Variants in KLRG1 observed in about 807,000 individuals in gnomAD.
KLRG1 encodes killer cell lectin-like receptor subfamily G member 1.
KLRG1 carries 16 observed loss-of-function variants against 21.8 expected under a neutral mutation model. The ratio of observed to expected loss-of-function variants is 0.73; its 90% confidence interval spans 0.50 to 1.11. KLRG1 has a LOEUF of 1.11. KLRG1 is among the 50% of genes most tolerant of loss of function. KLRG1 has a pLI of 0.00. For synonymous variants in KLRG1, 69 were observed against 75.9 expected, an observed-to-expected ratio of 0.91 and a Z score of 0.47; for missense variants, 173 against 218.3, an observed-to-expected ratio of 0.79 and a Z score of 1.31.
At chr12:9,093,145 G>A in the KLRG1 span, among the ~76,000 whole-genome samples, 2 of 152,144 alleles carry the variant, frequency 1.3e-5, no homozygotes, top group Non-Finnish European at 2.9e-5. Context: ...TACGTAGGAT[G>A]AATAAATTTA....
chr12:8,950,584 A>G (rs757889869), intron 1 of KLRG1, among the ~76,000 whole-genome samples: 8 of 152,050 alleles, frequency 5.3e-5, no homozygotes, highest in Non-Finnish European at 1.2e-4. Context: ...GCATGTTTTC[A>G]TTCCGCTTCC....
At position 9,010,048 on chromosome 12, in the gene KLRG1, T is replaced by C. The variant is rs1592285515; in HGVS notation, c.*511T>C. On this transcript the variant is annotated 3_prime_UTR_variant, in exon 5 of 5. Transcript: ENST00000356986. The stretch of plus-strand genomic sequence containing the variant: ...TTCTGAAGAATAAACCTAGCTGGCA[T>C]GCTGGTGTGTACCTGTAGTCCTAGC... The C allele has an allele frequency of 1.2e-5, 19 of 1,527,540 alleles. No homozygotes were observed. In the East Asian group the frequency reaches 2.7e-4, roughly 22 times the overall value. The allele number at this position is 1,527,540 out of a possible 1,614,324, so 94.6% of individuals were successfully genotyped here.
intron 1 of KLRG1, 46 bp from the exon 2 acceptor site, chr12:8,992,160 A>G: frequency 1.5e-5 from 23 of 1,502,720 alleles, no homozygotes; most frequent in Non-Finnish European, 2.1e-5. Flanking sequence ...CTTTTCTTTC[A>G]ACCTGTCATC....
chr12:9,156,762 G>A, the KLRG1 span, among the ~76,000 whole-genome samples: 1 of 152,076 alleles, frequency 6.6e-6, no homozygotes, highest in African/African-American at 2.4e-5. Context: ...ACTTGGCTAA[G>A]GAATTACAGA....
In KLRG1 at chr12:8,995,973, T is replaced by C. The variant is rs575530927; in HGVS notation, c.357+685T>C. 8.8e-4 allele frequency among the ~76,000 whole-genome samples: 134 copies of C among 152,224 alleles called. 2 individuals carry two copies. The highest frequency in any genetic ancestry group is 8.3e-4 in the South Asian group (4 of 4,818). On this transcript the variant is annotated intron_variant, in intron 3 of 4. Transcript: ENST00000356986. Reference sequence around the variant, plus strand: ...CTGGGATTACAGGCATGAGCCACCGTGCCAGTCCTTATATAGTGGAACTTG... The same window carrying C: ...CTGGGATTACAGGCATGAGCCACCGCGCCAGTCCTTATATAGTGGAACTTG...
chr12:9,016,723 C>T, the KLRG1 span, among the ~76,000 whole-genome samples: 4 of 152,262 alleles, frequency 2.6e-5, no homozygotes, highest in East Asian at 1.9e-4. Context: ...AGTGATTCCT[C>T]ATGCCTCAGC....
At chr12:9,208,361 G>T in the KLRG1 span, 1 of 1,599,688 alleles carries the variant, frequency 6.3e-7, no homozygotes, top group Non-Finnish European at 8.6e-7. Context: ...TAAATCTCAG[G>T]GTTGTGTCCA....
Position 8,979,093 on chromosome 12 carries a change from C to T in KLRG1, c.-155-13113C>T, listed in dbSNP as rs868103574. The stretch of plus-strand genomic sequence containing the variant: ...GCAATGGTGCAATGTCAGCTCACTG[C>T]AGCCTGTGCCTCCTGGATTCAAGCA... On this transcript the variant is annotated intron_variant, in intron 1 of 4. Coordinates refer to the KLRG1 transcript ENST00000539240. Among the ~76,000 whole-genome samples the T allele has an allele frequency of 5.1e-4, 76 of 150,164 alleles. 1 individual carries two copies. The highest frequency in any genetic ancestry group is 1.8e-3 in the African/African-American group (73 of 40,692).
At chr12:9,032,713 T>C in the KLRG1 span, among the ~76,000 whole-genome samples, 2 of 152,330 alleles carry the variant, frequency 1.3e-5, no homozygotes, top group Non-Finnish European at 2.9e-5. Context: ...TCAACTGTTA[T>C]AGAACCCAAG....
chr12:9,197,128 T>C, the KLRG1 span: 1 of 1,577,222 alleles, frequency 6.3e-7, no homozygotes, highest in Non-Finnish European at 8.7e-7. Flanking sequence ...GTGTATCTGG[T>C]ACATGAGAAA....
the KLRG1 span, among the ~76,000 whole-genome samples, chr12:9,022,891 G>GT: frequency 6.6e-6 from 1 of 152,210 alleles, no homozygotes; most frequent in African/African-American, 2.4e-5. Context: ...AGCTGAACAG[G>GT]TGGTGGTTTC....
At chr12:9,156,327 T>A in the KLRG1 span, 1 of 208,870 alleles carries the variant, frequency 4.8e-6, no homozygotes. Flanking sequence ...TTTGTCCTAC[T>A]GACCATCTTC....
the KLRG1 span, among the ~76,000 whole-genome samples, chr12:9,027,146 T>G: frequency 3.9e-4 from 59 of 152,296 alleles, no homozygotes; most frequent in African/African-American, 1.4e-3. Flanking sequence ...TTCACATATT[T>G]GTGTGTGTGA....
chr12:9,079,386 G>A, the KLRG1 span: 1 of 1,528,400 alleles, frequency 6.5e-7, no homozygotes, highest in Middle Eastern at 1.7e-4. Context: ...TGCTGAGGGT[G>A]GAGAAATTAC....
chr12:9,039,954 AAG>A, the KLRG1 span, among the ~76,000 whole-genome samples: 1 of 152,228 alleles, frequency 6.6e-6, no homozygotes, highest in African/African-American at 2.4e-5. Flanking sequence ...GACAGTGAGT[AAG>A]AGAGAAAAAA....
intron 1 of KLRG1, among the ~76,000 whole-genome samples, chr12:8,979,896 T>TTTTTTG (rs1431419682): frequency 6.6e-6 from 1 of 152,258 alleles, no homozygotes; most frequent in East Asian, 1.9e-4. Context: ...AATTTCTGCT[T>TTTTTTG]TTTTTGTTTT....
At chr12:9,194,555 C>T in the KLRG1 span, among the ~76,000 whole-genome samples, 1 of 151,386 alleles carries the variant, frequency 6.6e-6, no homozygotes, top group East Asian at 1.9e-4. Context: ...AGCTCTGCCT[C>T]CTGGACTCAC....
intron 1 of KLRG1, among the ~76,000 whole-genome samples, chr12:8,962,445 G>A (rs1946396462): frequency 6.6e-6 from 1 of 152,074 alleles, no homozygotes; most frequent in Non-Finnish European, 1.5e-5. Context: ...TAGGAGTGGT[G>A]GCTCACACCT....
chr12:9,212,557 A>G, the KLRG1 span, among the ~76,000 whole-genome samples: 2 of 152,232 alleles, frequency 1.3e-5, no homozygotes, highest in South Asian at 4.1e-4. Flanking sequence ...GACAAAAAAC[A>G]TAACTGTCTA....
Sources: gnomAD v4.1 joint callset for allele counts (sites outside exome capture counted in the v4.1 genomes callset) on GRCh38, gnomAD v4.1.1 for gene constraint, MANE v1.5 for transcripts, NCBI Gene and HGNC (gene_info 2026-07-23, HGNC 2026-07-21) for gene names.